The following TMF1 variants were observed in gnomAD, a reference collection of about 807,000 sequenced individuals.
The protein encoded by TMF1 is TATA element modulatory factor.
TMF1 carries 71 observed loss-of-function variants against 126.5 expected under a neutral mutation model. That is an observed-to-expected ratio of 0.56 (90% confidence interval 0.46 to 0.68). The LOEUF (loss-of-function observed/expected upper bound fraction) is 0.68, where lower values mean the gene tolerates loss of function less well. TMF1 is among the 30% of genes least tolerant of loss of function. The probability of loss-of-function intolerance (pLI) is 0.00; values close to 1 mark genes in which losing one functional copy is unlikely to be tolerated. For missense variants in TMF1, 1,259 were observed against 1,253.2 expected, an observed-to-expected ratio of 1.00 and a Z score of -0.07; for synonymous variants, 461 against 430.5, an observed-to-expected ratio of 1.07 and a Z score of -0.88.
Position 69,035,078 on chromosome 3 carries a change from T to C in TMF1, c.2189A>G (p.Gln730Arg). The C allele has an allele frequency of 6.2e-7, 1 of 1,614,230 alleles. No homozygotes were observed. The highest frequency in any genetic ancestry group is 8.5e-7 in the Non-Finnish European group (1 of 1,180,028). ...DLRLALQRTE[Q>R]AAARKEDYLR... ...ATAATCCTCCTTTCTGGCAGCCGCT[T>C]GTTCTGTACGCTGCAATGCAAGCCT... Residue 730 changes from glutamine (Q) to arginine (R), a missense_variant, in exon 9 of 17, where the codon CAA (glutamine) becomes CGA (arginine). By Grantham distance (43) the Gln-to-Arg change is conservative. Transcript: ENST00000398559.
Position 69,029,945 on chromosome 3 carries a change from G to A in TMF1, c.2464C>T (p.Leu822Phe), listed in dbSNP as rs367844847. 1.2e-6 allele frequency: 2 copies of A among 1,614,148 alleles called. No homozygotes were observed. Among genetic ancestry groups the A allele is most frequent in the Admixed American group, 1.7e-5 (1 of 60,026 alleles). ...ERERAATEEL[L>F]ANKIQMSSME... ...GAAGACATCTGAATTTTGTTAGCAAGGAGTTCTTCTGTAGCTGCACGTTCT... is the reference window on the plus strand; with the variant it reads ...GAAGACATCTGAATTTTGTTAGCAAAGAGTTCTTCTGTAGCTGCACGTTCT... Residue 822 changes from leucine to phenylalanine, a missense_variant, in exon 11 of 17, where the codon CTT becomes TTT. Coordinates refer to ENST00000398559, the MANE Select transcript of TMF1 (RefSeq NM_007114.3).
At chr3:69,038,519 A>C in intron 8 of TMF1, 45 bp downstream of exon 8, 4 of 1,588,332 alleles carry the variant, frequency 2.5e-6, no homozygotes, top group Non-Finnish European at 3.4e-6. Context: ...TAGAAGCATA[A>C]ACAAATATTT....
At chr3:69,042,332 T>A (rs1559633823) in intron 5 of TMF1, 1 of 455,718 alleles carries the variant, frequency 2.2e-6, no homozygotes, top group East Asian at 6.9e-5. Context: ...GCCACCACAC[T>A]CAGCCAACCC....
rs1373739288 is a variant in TMF1, at chr3:69,021,533, A to G, written c.*1644T>C. On this transcript the variant is annotated 3_prime_UTR_variant, in exon 17 of 17. Coordinates refer to ENST00000398559, the MANE Select transcript of TMF1 (RefSeq NM_007114.3). ...ATTAACACTACCAATCAGAGATCCA[A>G]TGACAGAAACACTGTCTGGAATACA... The G allele has an allele frequency of 6.6e-6, 1 of 152,556 alleles. No homozygotes were observed. Among genetic ancestry groups the G allele is most frequent in the African/African-American group, 2.4e-5 (1 of 41,468 alleles). The allele number at this position is 152,556 out of a possible 1,614,324, so 9.5% of individuals were successfully genotyped here.
In TMF1 at chr3:69,032,124, C is replaced by A. The variant is rs1394068895; in HGVS notation, c.2401+1424G>T. ...GGAACTCCAATTAAAAAAAGATAGA[C>A]AAAGGAGGCCCTATTTTCATTAAAG... On this transcript the variant is annotated intron_variant, in intron 10 of 16. Transcript: ENST00000398559. Among the ~76,000 whole-genome samples, 5 of 152,054 alleles carry A rather than the reference C, an allele frequency of 3.3e-5. 1 individual carries two copies. Among genetic ancestry groups the A allele is most frequent in the Admixed American group, 6.6e-5 (1 of 15,262 alleles).
chr3:69,028,020 T>C lies in TMF1; in HGVS notation c.2665-28A>G, dbSNP rs759444437. 5.9e-6 allele frequency: 8 copies of C among 1,357,284 alleles called. No individual in the cohort carries two copies. The African/African-American group carries it at 1.2e-4, about 20-fold the overall frequency. 84.1% of individuals were successfully genotyped at this position (1,357,284 alleles called of 1,614,324 possible). ...AATAGAGAGAAATAAAGTTAGACAATTTCTGTGATAGTAATTCATGCCATG... is the reference window on the plus strand; with the variant it reads ...AATAGAGAGAAATAAAGTTAGACAACTTCTGTGATAGTAATTCATGCCATG... On this transcript the variant is annotated intron_variant, in intron 12 of 16. Transcript: ENST00000398559.
chr3:69,035,912 T>G (rs1044683345), intron 8 of TMF1, among the ~76,000 whole-genome samples: 3 of 152,116 alleles, frequency 2.0e-5, no homozygotes, highest in Non-Finnish European at 4.4e-5. Flanking sequence ...GATTTATGCA[T>G]GGTAACTCAT....
At position 69,025,624 on chromosome 3, in the gene TMF1, G is replaced by C; in HGVS notation, c.2948C>G (p.Ser983Ter). 1 of 1,614,010 alleles carries C rather than the reference G, an allele frequency of 6.2e-7. No individual in the cohort carries two copies. The highest frequency in any genetic ancestry group is 1.1e-5 in the South Asian group (1 of 91,072). Reference sequence around the variant, plus strand: ...AGACTGTAGGTTTTCAATTATGCTTGATCCTGCTCCCATCCTTACAGCATC... The same window carrying C: ...AGACTGTAGGTTTTCAATTATGCTTCATCCTGCTCCCATCCTTACAGCATC... ...LYDAVRMGAG[S>*]SIIENLQSQL... Residue 983 changes from serine (S) to a stop codon, truncating the protein, a stop_gained, in exon 15 of 17, where the codon TCA (serine) becomes TGA (stop). Transcript: ENST00000398559. LOFTEE classifies it high-confidence loss of function.
intron 8 of TMF1, among the ~76,000 whole-genome samples, chr3:69,037,344 A>T (rs1559632196): frequency 6.6e-6 from 1 of 152,124 alleles, no homozygotes; most frequent in Non-Finnish European, 1.5e-5. Flanking sequence ...AATACAAAAA[A>T]AAATTAGCAG....
At chr3:69,025,848 C>T (rs1473312776) in intron 14 of TMF1, 136 bp from the exon 15 acceptor site, 4 of 1,173,402 alleles carry the variant, frequency 3.4e-6, no homozygotes, top group African/African-American at 1.5e-5. Context: ...TCACGTGTTT[C>T]CTCTCACTAA....
chr3:69,049,079 A>G (rs2091912088), intron 1 of TMF1: 1 of 153,982 alleles, frequency 6.5e-6, no homozygotes, highest in South Asian at 2.1e-4. Flanking sequence ...GAGCTAGACA[A>G]AGGGCAACAC....
rs1363879094 is a variant in TMF1, at chr3:69,024,093, T to C, written c.3100A>G (p.Lys1034Glu). 24 of 1,610,204 alleles carry C rather than the reference T, an allele frequency of 1.5e-5. No homozygotes were observed. The highest frequency in any genetic ancestry group is 2.0e-5 in the Non-Finnish European group (23 of 1,178,688). The change falls in exon 16 of 17, where the codon AAG (lysine) becomes GAG (glutamate). Residue 1034 changes from lysine to glutamate, a missense_variant. Coordinates refer to ENST00000398559, the MANE Select transcript of TMF1 (RefSeq NM_007114.3). Reference sequence around the variant, plus strand: ...CTAAGTTTGGGTATCTCCTTCACCTTCTCTTCAAGTTCATCATTTTGATTT... The same window carrying C: ...CTAAGTTTGGGTATCTCCTTCACCTCCTCTTCAAGTTCATCATTTTGATTT... ...LTNQNDELEE[K>E]VKEIPKLRTQ...
intron 4 of TMF1, among the ~76,000 whole-genome samples, chr3:69,043,309 A>G (rs1215980518): frequency 6.6e-6 from 1 of 152,110 alleles, no homozygotes; most frequent in Non-Finnish European, 1.5e-5. Flanking sequence ...AGTTGGGACC[A>G]CACGCATGTA....
chr3:69,024,444 T>C lies in TMF1; in HGVS notation c.3013-264A>G, dbSNP rs145898813. ...TTATTTGTTTGAAAACATTCAACCA[T>C]ATATTTTTCTAATCTAAGGAAATGA... is the stretch of plus-strand genomic sequence containing the variant. On this transcript the variant is annotated intron_variant, in intron 15 of 16. Coordinates refer to ENST00000398559, the MANE Select transcript of TMF1 (RefSeq NM_007114.3). 4.4e-3 allele frequency: 887 copies of C among 202,636 alleles called. 8 individuals are homozygous for C. Among genetic ancestry groups the C allele is most frequent in the African/African-American group, 0.019 (822 of 43,158 alleles). The allele number at this position is 202,636 out of a possible 1,614,324, so 12.6% of individuals were successfully genotyped here.
In TMF1 at chr3:69,048,193, G is replaced by C; in HGVS notation, c.512C>G (p.Pro171Arg). The C allele has an allele frequency of 1.2e-6, 2 of 1,614,178 alleles. No individual in the cohort carries two copies. Among genetic ancestry groups the C allele is most frequent in the Non-Finnish European group, 1.7e-6 (2 of 1,180,032 alleles). ...GETLAAGTSS[P>R]KTEGKHEETV... ...TTCTTCGTGCTTGCCTTCAGTTTTA[G>C]GTGATGAAGTACCTGCTGCCAGAGT... Residue 171 changes from proline to arginine, a missense_variant, in exon 2 of 17, where the codon CCT (proline) becomes CGT (arginine). Pro to Arg is a moderately radical substitution (Grantham distance 103). Transcript: ENST00000398559.
Position 69,047,846 on chromosome 3 carries a change from G to A in TMF1, c.859C>T (p.His287Tyr), listed in dbSNP as rs752639521. The change falls in exon 2 of 17, where the codon CAC (histidine) becomes TAC (tyrosine). Residue 287 changes from histidine (H) to tyrosine (Y), a missense_variant. His to Tyr is a moderately conservative substitution (Grantham distance 83). Coordinates refer to ENST00000398559, the MANE Select transcript of TMF1 (RefSeq NM_007114.3). Reference protein sequence around the residue: ...QETTDSKSSLHLMQTSFQLLS... With the variant: ...QETTDSKSSLYLMQTSFQLLS... ...AGCTGAAAAGATGTCTGCATCAAGT[G>A]AAGACTTGATTTTGAATCTGTAGTC... 1.9e-6 allele frequency: 3 copies of A among 1,614,004 alleles called. No individual in the cohort carries two copies. Among genetic ancestry groups the A allele is most frequent in the Non-Finnish European group, 2.5e-6 (3 of 1,180,014 alleles).
rs758700419 is a variant in TMF1, at chr3:69,051,983, G to A, written c.104C>T (p.Pro35Leu). 1.3e-5 allele frequency: 21 copies of A among 1,613,844 alleles called. No homozygotes were observed. The highest frequency in any genetic ancestry group is 1.6e-5 in the Non-Finnish European group (19 of 1,179,896). Reference protein sequence around the residue: ...DRVLDIQEEEPSIWAETIPYG... With the variant: ...DRVLDIQEEELSIWAETIPYG... ...CGGAATGGTCTCGGCCCAGATGCTC[G>A]GCTCCTCTTCCTGGATGTCCAGAAC... The change falls in exon 1 of 17, where the codon CCG becomes CTG. Residue 35 changes from proline to leucine, a missense_variant. Pro to Leu is a moderately conservative substitution (Grantham distance 98, BLOSUM62 -3). Coordinates refer to ENST00000398559, the MANE Select transcript of TMF1 (RefSeq NM_007114.3).
chr3:69,025,345 A>C (rs1201594213), intron 15 of TMF1: 7 of 462,014 alleles, frequency 1.5e-5, no homozygotes, highest in African/African-American at 1.4e-4. Context: ...GAATATGCCT[A>C]ATTCTGGCAA....
Position 69,029,945 on chromosome 3 carries a change from G to C in TMF1, c.2464C>G (p.Leu822Val), listed in dbSNP as rs367844847. The C allele has an allele frequency of 6.2e-6, 10 of 1,614,030 alleles. No individual in the cohort carries two copies. The highest frequency in any genetic ancestry group is 2.7e-5 in the African/African-American group (2 of 74,916). The change falls in exon 11 of 17, where the codon CTT (leucine) becomes GTT (valine). Residue 822 changes from leucine to valine, a missense_variant. Leu to Val is a conservative substitution (Grantham distance 32). Transcript: ENST00000398559. The stretch of plus-strand genomic sequence containing the variant: ...GAAGACATCTGAATTTTGTTAGCAA[G>C]GAGTTCTTCTGTAGCTGCACGTTCT... ...ERERAATEEL[L>V]ANKIQMSSME...
Sources: gnomAD v4.1 joint callset for allele counts (sites outside exome capture counted in the v4.1 genomes callset) on GRCh38, gnomAD v4.1.1 for gene constraint, MANE v1.5 for transcripts, NCBI Gene and HGNC (gene_info 2026-07-23, HGNC 2026-07-21) for gene names.